Variants in TBC1D32 observed in about 807,000 individuals in gnomAD.
The protein encoded by TBC1D32 is protein broad-minded.
In TBC1D32, 151 loss-of-function variants were observed where a neutral mutation model predicts 170.3. The observed-to-expected ratio is 0.89, with a 90% CI of 0.78 to 1.01. The LOEUF (loss-of-function observed/expected upper bound fraction) is 1.01, where lower values mean the gene tolerates loss of function less well. Ranked by LOEUF, TBC1D32 falls within the 50% of genes least tolerant of loss-of-function variation. The pLI is 0.00. For synonymous variants in TBC1D32, 498 were observed against 488.0 expected, an observed-to-expected ratio of 1.02 and a Z score of -0.27; for missense variants, 1,464 against 1,457.1, an observed-to-expected ratio of 1.00 and a Z score of -0.08.
At chr6:121,274,871 T>G (rs1802010658) in intron 15 of TBC1D32, among the ~76,000 whole-genome samples, 1 of 152,150 alleles carries the variant, frequency 6.6e-6, no homozygotes, top group Non-Finnish European at 1.5e-5. Context: ...CTTTGGTATT[T>G]TAACATGCTG....
chr6:121,269,484 TTAAAC>T (rs200230315), intron 15 of TBC1D32, among the ~76,000 whole-genome samples: 2,761 of 152,036 alleles, frequency 0.018, 96 homozygotes, highest in African/African-American at 0.063. Context: ...AAAACAGACT[TTAAAC>T]CAACAAAGAT....
intron 15 of TBC1D32, among the ~76,000 whole-genome samples, chr6:121,272,922 C>T (rs539363977): frequency 6.8e-4 from 103 of 151,586 alleles, no homozygotes; most frequent in Non-Finnish European, 4.3e-4. Flanking sequence ...TGGAATACTA[C>T]GCAGCCATAA....
intron 22 of TBC1D32, among the ~76,000 whole-genome samples, chr6:121,161,988 G>A (rs978828304): frequency 6.6e-6 from 1 of 152,116 alleles, no homozygotes; most frequent in Non-Finnish European, 1.5e-5. Flanking sequence ...CTTCTTTTGA[G>A]AAGCATCTGT....
chr6:121,274,231 G>A (rs1000027384), intron 15 of TBC1D32, among the ~76,000 whole-genome samples: 3 of 151,880 alleles, frequency 2.0e-5, no homozygotes, highest in African/African-American at 7.3e-5. Context: ...TACTCGGGAG[G>A]CTGAGGCAAA....
At position 121,242,206 on chromosome 6, in the gene TBC1D32, AT is replaced by A. The variant is rs1797072142; in HGVS notation, c.2151del (p.Lys717AsnfsTer29). ...VTFIFNRYAKKLQVSRHKKFG... is the reference protein window; with the variant it reads ...VTFIFNRYAKXLQVSRHKKFG... ...TGGCAGATGGTAATTCATACCTGTA[AT>A]TTTTTTGCATATCGATTGAATATAA... On this transcript the variant is annotated frameshift_variant, in exon 18 of 32. Transcript: ENST00000398212. LOFTEE classifies it high-confidence loss of function. 1 of 1,610,810 alleles carries A rather than the reference AT, an allele frequency of 6.2e-7. No homozygotes were observed.
At chr6:121,083,460 G>T (rs1775855071) in intron 31 of TBC1D32, among the ~76,000 whole-genome samples, 1 of 151,996 alleles carries the variant, frequency 6.6e-6, no homozygotes, top group Non-Finnish European at 1.5e-5. Context: ...TCATCCAAAA[G>T]TATTAAAAAT....
Position 121,137,333 on chromosome 6 carries a change from G to A in TBC1D32, c.2774-5581C>T, listed in dbSNP as rs145431899. Among the ~76,000 whole-genome samples, 62 of 152,028 alleles carry A rather than the reference G, an allele frequency of 4.1e-4. 1 individual carries two copies. In the East Asian group the frequency reaches 9.9e-3, roughly 24 times the overall value. On this transcript the variant is annotated intron_variant, in intron 24 of 31. Transcript: ENST00000398212. ...TATCCATTCTATATCCAGTTATGATGAAGTCACCATGGAAAACTACCAGTT... is the reference window on the plus strand; with the variant it reads ...TATCCATTCTATATCCAGTTATGATAAAGTCACCATGGAAAACTACCAGTT...
At chr6:121,100,494 T>C (rs1416319355) in intron 30 of TBC1D32, among the ~76,000 whole-genome samples, 1 of 151,882 alleles carries the variant, frequency 6.6e-6, no homozygotes, top group African/African-American at 2.4e-5. Context: ...GCTCTTCTTG[T>C]TGAATTGATC....
intron 27 of TBC1D32, among the ~76,000 whole-genome samples, chr6:121,113,886 CTCTTTTTAAAGAGACTTGGT>C (rs1562523869): frequency 6.6e-6 from 1 of 152,044 alleles, no homozygotes; most frequent in African/African-American, 2.4e-5. Context: ...TTTAAAAAGT[CTCTTTTTAAAGAGACTTGGT>C]GGCTCACACC....
intron 4 of TBC1D32, among the ~76,000 whole-genome samples, chr6:121,308,508 G>A (rs923704667): frequency 4.0e-5 from 6 of 151,618 alleles, no homozygotes; most frequent in African/African-American, 1.5e-4. Flanking sequence ...ATATGCCCCT[G>A]GCAAAGCATT....
In TBC1D32 at chr6:121,255,396, T is replaced by C; in HGVS notation, c.1950A>G (p.Ser650=). 6.7e-7 allele frequency: 1 copy of C among 1,492,974 alleles called. No homozygotes were observed. The highest frequency in any genetic ancestry group is 8.9e-7 in the Non-Finnish European group (1 of 1,124,040). The allele number at this position is 1,492,974 out of a possible 1,614,324, so 92.5% of individuals were successfully genotyped here. ...CCTCTACTGGAGTAGGAATTCTTTCTGATAGCAAACTTGTCTAAAAAATAG... is the reference window on the plus strand; with the variant it reads ...CCTCTACTGGAGTAGGAATTCTTTCCGATAGCAAACTTGTCTAAAAAATAG... The part of the protein sequence containing the change: ...AKAWKKTSLL[S]ERIPTPVEGS... Residue 650 remains serine, a synonymous_variant, in exon 17 of 32, where the codon TCA becomes TCG. Transcript: ENST00000398212.
intron 31 of TBC1D32, among the ~76,000 whole-genome samples, chr6:121,082,930 T>C (rs183409841): frequency 4.3e-4 from 65 of 152,152 alleles, no homozygotes; most frequent in Non-Finnish European, 8.0e-4. Context: ...TTTCAAATGA[T>C]ATAGTTCATT....
At chr6:121,295,056 G>A (rs1181907622) in intron 10 of TBC1D32, among the ~76,000 whole-genome samples, 1 of 152,042 alleles carries the variant, frequency 6.6e-6, no homozygotes, top group Non-Finnish European at 1.5e-5. Flanking sequence ...AGTGGATCAA[G>A]TCTTTATTTC....
chr6:121,170,371 C>A, intron 22 of TBC1D32: 1 of 1,545,360 alleles, frequency 6.5e-7, no homozygotes, highest in Non-Finnish European at 8.7e-7. Context: ...CTAAAGAAAA[C>A]TGCTGTTACT....
At chr6:121,127,890 G>A (rs1294596460) in intron 25 of TBC1D32, among the ~76,000 whole-genome samples, 2 of 152,144 alleles carry the variant, frequency 1.3e-5, no homozygotes, top group Non-Finnish European at 2.9e-5. Flanking sequence ...TTTAAGTAAA[G>A]TGCTTGAGTT....
intron 24 of TBC1D32, among the ~76,000 whole-genome samples, chr6:121,142,518 T>G (rs1384513659): frequency 6.6e-6 from 1 of 152,234 alleles, no homozygotes; most frequent in Non-Finnish European, 1.5e-5. Flanking sequence ...ATGCTGATTA[T>G]TTTATAGGTC....
intron 24 of TBC1D32, among the ~76,000 whole-genome samples, chr6:121,149,853 G>C (rs1429418014): frequency 6.6e-6 from 1 of 152,150 alleles, no homozygotes; most frequent in Non-Finnish European, 1.5e-5. Flanking sequence ...TGGGCAGTAT[G>C]GCCATTTTCA....
At chr6:121,334,228 T>A (rs1428697626) in intron 1 of TBC1D32, 48 bp downstream of exon 1, 1 of 1,542,832 alleles carries the variant, frequency 6.5e-7, no homozygotes. Context: ...CTCTGGACCC[T>A]CTCTGGATCG....
intron 15 of TBC1D32, among the ~76,000 whole-genome samples, chr6:121,270,238 C>A (rs1211472182): frequency 6.6e-6 from 1 of 151,878 alleles, no homozygotes; most frequent in African/African-American, 2.4e-5. Flanking sequence ...CAAAAGTTAG[C>A]AGAAGGCAAA....
Sources: gnomAD v4.1 joint callset for allele counts (sites outside exome capture counted in the v4.1 genomes callset) on GRCh38, gnomAD v4.1.1 for gene constraint, MANE v1.5 for transcripts, NCBI Gene and HGNC (gene_info 2026-07-23, HGNC 2026-07-21) for gene names.